The following TCF12 variants were observed in gnomAD, a reference collection of about 807,000 sequenced individuals.
TCF12 encodes transcription factor 12.
In TCF12, 45 loss-of-function variants were observed where a neutral mutation model predicts 86.0. The ratio of observed to expected loss-of-function variants is 0.52; its 90% CI spans 0.41 to 0.67. The LOEUF (loss-of-function observed/expected upper bound fraction) is 0.67. Ranked by LOEUF, TCF12 falls within the 30% of genes least tolerant of loss-of-function variation. TCF12 has a pLI of 0.00. For missense variants in TCF12, 881 were observed against 859.9 expected (o/e 1.02, Z -0.31); for synonymous variants, 330 against 299.6 (o/e 1.10, Z -1.05).
At chr15:57,217,103 C>A (rs867079097) in intron 8 of TCF12, among the ~76,000 whole-genome samples, 1 of 151,758 alleles carries the variant, frequency 6.6e-6, no homozygotes, top group East Asian at 1.9e-4. Flanking sequence ...TACACATGTA[C>A]GAGTTTTATA....
chr15:56,994,212 T>C (rs1354029594), intron 3 of TCF12, among the ~76,000 whole-genome samples: 1 of 152,108 alleles, frequency 6.6e-6, no homozygotes, highest in African/African-American at 2.4e-5. Flanking sequence ...GAAAGAATTT[T>C]AAAAAATTGA....
At position 57,028,308 on chromosome 15, in the gene TCF12, T is replaced by C. The variant is rs142574889; in HGVS notation, c.149-35442T>C. Among the ~76,000 whole-genome samples, 5 of 152,290 alleles carry C rather than the reference T, an allele frequency of 3.3e-5. No individual in the cohort carries two copies. The East Asian group carries it at 9.6e-4, about 29-fold the overall frequency. ...TTACCCAGTCTCGGGTATTTCTTCA[T>C]AGCCTTATGAAAATGTACTAATAAA... On this transcript the variant is annotated intron_variant, in intron 3 of 20. Coordinates refer to ENST00000333725, the MANE Select transcript of TCF12 (RefSeq NM_207037.2).
At chr15:56,978,081 T>C (rs1234250884) in intron 3 of TCF12, among the ~76,000 whole-genome samples, 3 of 152,238 alleles carry the variant, frequency 2.0e-5, no homozygotes, top group Non-Finnish European at 2.9e-5. Flanking sequence ...CATAAATGTA[T>C]ATTAAAAAGC....
intron 3 of TCF12, among the ~76,000 whole-genome samples, chr15:56,968,946 C>A (rs1185924957): frequency 6.6e-6 from 1 of 152,170 alleles, no homozygotes; most frequent in East Asian, 1.9e-4. Flanking sequence ...AGGTTGCATT[C>A]TTTTGAGTCC....
At chr15:57,150,873 CCCTT>C (rs374734642) in intron 5 of TCF12, among the ~76,000 whole-genome samples, 1,492 of 40,550 alleles carry the variant, frequency 0.037, 36 homozygotes, top group African/African-American at 0.078. Context: ...CCCCCTCTGT[CCCTT>C]CCTTCCTTCC....
At chr15:57,255,173 T>C (rs1342011044) in intron 16 of TCF12, among the ~76,000 whole-genome samples, 2 of 152,212 alleles carry the variant, frequency 1.3e-5, no homozygotes, top group African/African-American at 4.8e-5. Flanking sequence ...AGCTACAGTA[T>C]TTATTATATA....
chr15:57,061,036 A>T (rs2068422615), intron 3 of TCF12, among the ~76,000 whole-genome samples: 1 of 152,210 alleles, frequency 6.6e-6, no homozygotes, highest in Non-Finnish European at 1.5e-5. Flanking sequence ...GATTCTTGTT[A>T]TTCTATAGCA....
At chr15:57,132,478 G>A (rs1173779710) in intron 5 of TCF12, among the ~76,000 whole-genome samples, 1 of 152,258 alleles carries the variant, frequency 6.6e-6, no homozygotes, top group East Asian at 1.9e-4. Context: ...TTGTCAAAGG[G>A]TCAATTCAGA....
intron 8 of TCF12, among the ~76,000 whole-genome samples, chr15:57,228,518 A>T (rs1404606639): frequency 6.6e-6 from 1 of 152,050 alleles, no homozygotes; most frequent in Non-Finnish European, 1.5e-5. Flanking sequence ...CTTTACCTCT[A>T]AAATGTGCCA....
At chr15:57,284,407 G>A (rs1256252185) in intron 20 of TCF12, among the ~76,000 whole-genome samples, 2 of 151,892 alleles carry the variant, frequency 1.3e-5, no homozygotes, top group African/African-American at 2.4e-5. Flanking sequence ...ACAGCGTTTC[G>A]CCAGGCTGCC....
chr15:57,074,360 TAAAAAA>T (rs35606687), intron 4 of TCF12, among the ~76,000 whole-genome samples: 1,687 of 110,646 alleles, frequency 0.015, 31 homozygotes, highest in African/African-American at 0.044. Context: ...CCATTTTGAT[TAAAAAA>T]AAAAAAAAAA....
intron 3 of TCF12, among the ~76,000 whole-genome samples, chr15:56,925,239 C>T (rs374843191): frequency 3.0e-5 from 3 of 98,666 alleles, no homozygotes; most frequent in East Asian, 2.8e-4. Context: ...TGGTGTCCAC[C>T]GCCCCCCCAC....
intron 5 of TCF12, among the ~76,000 whole-genome samples, chr15:57,127,981 GTTC>G (rs1330077029): frequency 2.6e-5 from 4 of 152,068 alleles, no homozygotes; most frequent in Non-Finnish European, 4.4e-5. Flanking sequence ...TAACAGTAAT[GTTC>G]TTTTTTAAAA....
At chr15:56,931,762 A>G (rs2060258605) in intron 3 of TCF12, among the ~76,000 whole-genome samples, 1 of 152,184 alleles carries the variant, frequency 6.6e-6, no homozygotes, top group African/African-American at 2.4e-5. Flanking sequence ...CAGACCCACT[A>G]CTGTTTAATA....
At chr15:56,926,853 A>G (rs1229476286) in intron 3 of TCF12, among the ~76,000 whole-genome samples, 1 of 152,230 alleles carries the variant, frequency 6.6e-6, no homozygotes, top group Non-Finnish European at 1.5e-5. Context: ...AGGAGTGTTC[A>G]ATGAGTTAAT....
chr15:57,263,237 C>T lies in TCF12; in HGVS notation c.1708C>T (p.Gln570Ter), dbSNP rs1277753045. Residue 570 changes from glutamine (Q) to a stop codon, truncating the protein, a stop_gained, in exon 18 of 21, where the codon CAA (glutamine) becomes TAA (stop). Transcript: ENST00000333725. LOFTEE classifies it high-confidence loss of function. ...CATGAAGTCAGATGATGAATCCTCCCAAAAAGATATCAAGGTTTCATCTAG... is the reference window on the plus strand; with the variant it reads ...CATGAAGTCAGATGATGAATCCTCCTAAAAAGATATCAAGGTTTCATCTAG... Reference protein sequence around the residue: ...DDMKSDDESSQKDIKVSSRGR... With the variant: ...DDMKSDDESS The T allele has an allele frequency of 6.2e-7, 1 of 1,611,036 alleles. No individual in the cohort carries two copies. Among genetic ancestry groups the T allele is most frequent in the Non-Finnish European group, 8.5e-7 (1 of 1,179,306 alleles).
intron 3 of TCF12, among the ~76,000 whole-genome samples, chr15:57,025,306 C>CAAG (rs1487216511): frequency 2.0e-5 from 3 of 152,170 alleles, no homozygotes; most frequent in African/African-American, 7.2e-5. Flanking sequence ...TCTCGAATTC[C>CAAG]TGACCTCAAG....
intron 3 of TCF12, among the ~76,000 whole-genome samples, chr15:57,052,268 C>T (rs1373376021): frequency 2.0e-5 from 3 of 152,072 alleles, no homozygotes; most frequent in African/African-American, 7.2e-5. Flanking sequence ...CCTTGGTCAT[C>T]AGTTGTATCT....
At position 57,286,712 on chromosome 15, in the gene TCF12, T is replaced by G; in HGVS notation, c.*567T>G. The stretch of plus-strand genomic sequence containing the variant: ...AAGGGAAAAGTCTTTTGTTGCCCTC[T>G]CCTATCCTCTTGCCATATGAATAGC... On this transcript the variant is annotated 3_prime_UTR_variant, in exon 21 of 21. Coordinates refer to ENST00000333725, the MANE Select transcript of TCF12 (RefSeq NM_207037.2). 4.4e-6 allele frequency: 2 copies of G among 454,496 alleles called. No homozygotes were observed. Among genetic ancestry groups the G allele is most frequent in the Admixed American group, 4.8e-5 (2 of 41,938 alleles). 28.2% of individuals were successfully genotyped at this position (454,496 alleles called of 1,614,324 possible).
Sources: gnomAD v4.1 joint callset for allele counts (sites outside exome capture counted in the v4.1 genomes callset) on GRCh38, gnomAD v4.1.1 for gene constraint, MANE v1.5 for transcripts, NCBI Gene and HGNC (gene_info 2026-07-23, HGNC 2026-07-21) for gene names.